The following LINGO2 variants were observed in gnomAD, a reference collection of about 807,000 sequenced individuals.
The protein encoded by LINGO2 is leucine-rich repeat and immunoglobulin-like domain-containing nogo receptor-interacting protein 2.
In LINGO2, 14 loss-of-function variants were observed where a neutral mutation model predicts 30.6. The observed-to-expected ratio is 0.46, with a 90% CI of 0.30 to 0.72. The LOEUF is 0.72. LINGO2 is among the 30% of genes least tolerant of loss of function. LINGO2 has a pLI of 0.07. For synonymous variants in LINGO2, 317 were observed against 288.5 expected (o/e 1.10, Z -1.00); for missense variants, 729 against 751.7 (o/e 0.97, Z 0.35).
chr9:28,161,544 T>C lies in LINGO2; in HGVS notation c.-87+133664A>G, dbSNP rs376511137. On this transcript the variant is annotated intron_variant, in intron 4 of 5. Coordinates refer to ENST00000379992, the Ensembl canonical transcript of LINGO2. ...ATAGTATTAGCCTCATTTTTATTGATGGAAAAAATAAGAAAGAGAAACTGA... is the reference window on the plus strand; with the variant it reads ...ATAGTATTAGCCTCATTTTTATTGACGGAAAAAATAAGAAAGAGAAACTGA... Among the ~76,000 whole-genome samples the C allele has an allele frequency of 6.6e-5, 10 of 152,160 alleles. No homozygotes were observed. The East Asian group carries it at 1.9e-3, about 29-fold the overall frequency.
chr9:28,516,765 A>C (rs1485025422), intron 1 of LINGO2, among the ~76,000 whole-genome samples: 2 of 152,198 alleles, frequency 1.3e-5, no homozygotes, highest in African/African-American at 4.8e-5. Flanking sequence ...CCTAAGAAGT[A>C]TTCTCTCAGG....
intron 5 of LINGO2, among the ~76,000 whole-genome samples, chr9:27,999,246 AG>A (rs1449028563): frequency 6.6e-6 from 1 of 152,128 alleles, no homozygotes. Context: ...AGAAGCCAAG[AG>A]GGTTTAGGAA....
chr9:28,142,852 A>T (rs932789219), intron 4 of LINGO2, among the ~76,000 whole-genome samples: 1 of 152,124 alleles, frequency 6.6e-6, no homozygotes, highest in Non-Finnish European at 1.5e-5. Flanking sequence ...TTGCCTGTTT[A>T]TGATCATTTC....
intron 4 of LINGO2, among the ~76,000 whole-genome samples, chr9:28,235,651 A>C (rs1206668028): frequency 6.6e-6 from 1 of 152,212 alleles, no homozygotes; most frequent in Non-Finnish European, 1.5e-5. Context: ...ATTGTAATAA[A>C]AAGAATCAAG....
chr9:28,958,178 G>T, the LINGO2 span, among the ~76,000 whole-genome samples: 1 of 152,088 alleles, frequency 6.6e-6, no homozygotes, highest in East Asian at 1.9e-4. Flanking sequence ...TGAATATTCT[G>T]CATTGTTAAC....
the LINGO2 span, among the ~76,000 whole-genome samples, chr9:28,845,436 A>G: frequency 6.6e-5 from 10 of 151,860 alleles, no homozygotes; most frequent in African/African-American, 2.4e-4. Flanking sequence ...TCTTATGAAA[A>G]TTAATTACCC....
intron 4 of LINGO2, among the ~76,000 whole-genome samples, chr9:28,102,502 C>T (rs1371077713): frequency 1.3e-5 from 2 of 151,790 alleles, no homozygotes; most frequent in African/African-American, 2.4e-5. Context: ...AGAGGGCAAA[C>T]GGATCAGTAA....
intron 4 of LINGO2, among the ~76,000 whole-genome samples, chr9:28,246,061 G>C (rs564017585): frequency 6.6e-6 from 1 of 152,262 alleles, no homozygotes; most frequent in Admixed American, 6.5e-5. Flanking sequence ...CAAGGCTACA[G>C]TAACCAAAAC....
At chr9:28,827,175 A>T in the LINGO2 span, among the ~76,000 whole-genome samples, 1 of 152,188 alleles carries the variant, frequency 6.6e-6, no homozygotes, top group South Asian at 2.1e-4. Context: ...AGTCCACAGA[A>T]TCCTAGCATA....
chr9:28,826,604 G>T, the LINGO2 span, among the ~76,000 whole-genome samples: 6 of 152,122 alleles, frequency 3.9e-5, no homozygotes, highest in Non-Finnish European at 8.8e-5. Flanking sequence ...AATAAAATTG[G>T]CTAGATGACC....
At chr9:28,928,944 C>T in the LINGO2 span, among the ~76,000 whole-genome samples, 2 of 152,044 alleles carry the variant, frequency 1.3e-5, no homozygotes, top group African/African-American at 4.8e-5. Flanking sequence ...ACGGAAACAG[C>T]ATGTGAATAG....
At chr9:28,928,380 AAAG>A in the LINGO2 span, among the ~76,000 whole-genome samples, 2 of 152,228 alleles carry the variant, frequency 1.3e-5, no homozygotes. Context: ...TTTTGGTCTA[AAAG>A]AAGGATATAC....
the LINGO2 span, among the ~76,000 whole-genome samples, chr9:28,896,588 T>C: frequency 6.6e-6 from 1 of 152,020 alleles, no homozygotes; most frequent in Non-Finnish European, 1.5e-5. Context: ...TGTACTCAAA[T>C]GCCATAAAAA....
intron 3 of LINGO2, among the ~76,000 whole-genome samples, chr9:28,326,080 C>T (rs1276737104): frequency 6.6e-6 from 1 of 152,168 alleles, no homozygotes; most frequent in African/African-American, 2.4e-5. Flanking sequence ...GATCTTGGCT[C>T]ACTGCAACCT....
chr9:28,146,620 T>G (rs533969616), intron 4 of LINGO2, among the ~76,000 whole-genome samples: 38 of 152,228 alleles, frequency 2.5e-4, no homozygotes, highest in African/African-American at 9.1e-4. Context: ...TGGTTTCAAT[T>G]CTCCAATAAC....
chr9:28,959,464 A>G, the LINGO2 span, among the ~76,000 whole-genome samples: 1 of 152,072 alleles, frequency 6.6e-6, no homozygotes, highest in Non-Finnish European at 1.5e-5. Context: ...ATGTGGACAA[A>G]ATAAGGATGA....
the LINGO2 span, among the ~76,000 whole-genome samples, chr9:29,005,629 G>A: frequency 2.3e-4 from 35 of 152,126 alleles, no homozygotes; most frequent in African/African-American, 7.9e-4. Context: ...ACAGGGAATT[G>A]CTTCCAGGAC....
the LINGO2 span, among the ~76,000 whole-genome samples, chr9:29,028,529 T>C: frequency 2.0e-5 from 3 of 152,094 alleles, no homozygotes; most frequent in Admixed American, 6.6e-5. Context: ...AATGTGATTT[T>C]CCTGCTACTC....
In LINGO2 at chr9:28,244,528, G is replaced by GA. The variant is rs557649540; in HGVS notation, c.-87+50679dup. ...TAGTGAATCCAGGAGCTGGTTTATT[G>GA]AAAAAAATTAATAAAATAGACTGCT... On this transcript the variant is annotated intron_variant, in intron 4 of 5. Transcript: ENST00000379992. 2.9e-4 allele frequency among the ~76,000 whole-genome samples: 44 copies of GA among 151,908 alleles called. No homozygotes were observed. In the East Asian group the frequency reaches 7.5e-3, roughly 26 times the overall value.
Sources: gnomAD v4.1 joint callset for allele counts (sites outside exome capture counted in the v4.1 genomes callset) on GRCh38, gnomAD v4.1.1 for gene constraint, MANE v1.5 for transcripts, NCBI Gene and HGNC (gene_info 2026-07-23, HGNC 2026-07-21) for gene names.